The following KLHL8 variants were observed in gnomAD, a reference collection of about 807,000 sequenced individuals.
KLHL8 encodes the protein kelch like family member 8.
A neutral mutation model predicts 63.5 loss-of-function variants in KLHL8; 38 were observed. The observed-to-expected ratio is 0.60, with a 90% CI of 0.46 to 0.78. The LOEUF (loss-of-function observed/expected upper bound fraction) is 0.78, where lower values mean the gene tolerates loss of function less well. KLHL8 is among the 30% of genes least tolerant of loss of function. The pLI is 0.00. For synonymous variants in KLHL8, 224 were observed against 254.3 expected (o/e 0.88, Z 1.13); for missense variants, 566 against 752.4 (o/e 0.75, Z 2.90).
In KLHL8 at chr4:87,162,103, G is replaced by GC. The variant is rs1730198124; in HGVS notation, c.*1415dup. The GC allele has an allele frequency of 1.3e-5, 2 of 152,024 alleles. No individual in the cohort carries two copies. Among genetic ancestry groups the GC allele is most frequent in the African/African-American group, 4.8e-5 (2 of 41,358 alleles). The allele number at this position is 152,024 out of a possible 1,614,324, so 9.4% of individuals were successfully genotyped here. On this transcript the variant is annotated 3_prime_UTR_variant, in exon 10 of 10. Transcript: ENST00000273963. Reference sequence around the variant, plus strand: ...ATGGATCAACGAAGTGTTTTTCACTGCCCCAGCTTCCTTATGAACCAGATT... The same window carrying GC: ...ATGGATCAACGAAGTGTTTTTCACTGCCCCCAGCTTCCTTATGAACCAGATT...
intron 1 of KLHL8, among the ~76,000 whole-genome samples, chr4:87,238,003 T>C (rs1051329372): frequency 1.3e-5 from 2 of 152,182 alleles, no homozygotes; most frequent in South Asian, 4.1e-4. Flanking sequence ...TGGCACAATC[T>C]CAGCTCACTG....
chr4:87,167,302 A>G (rs1443622351), intron 8 of KLHL8: 1 of 461,110 alleles, frequency 2.2e-6, no homozygotes, highest in Admixed American at 2.6e-5. Flanking sequence ...GGGCTGCTTT[A>G]GTGTTCAAAG....
chr4:87,233,853 CTATTT>C (rs1227755476), intron 1 of KLHL8, among the ~76,000 whole-genome samples: 49 of 151,970 alleles, frequency 3.2e-4, no homozygotes, highest in Non-Finnish European at 4.4e-5. Context: ...CTTTGATTTT[CTATTT>C]TAAACAATAT....
intron 6 of KLHL8, among the ~76,000 whole-genome samples, chr4:87,171,216 A>C (rs968248690): frequency 6.6e-6 from 1 of 152,202 alleles, no homozygotes; most frequent in African/African-American, 2.4e-5. Flanking sequence ...ACACTGCACC[A>C]ATCAAAAGTT....
In KLHL8 at chr4:87,163,458, A is replaced by C; in HGVS notation, c.*61T>G. The C allele has an allele frequency of 2.5e-6, 4 of 1,570,262 alleles. No individual in the cohort carries two copies. The highest frequency in any genetic ancestry group is 3.5e-6 in the Non-Finnish European group (4 of 1,154,908). The stretch of plus-strand genomic sequence containing the variant: ...AAGTGTTGAAAGGTGGTCATATCAA[A>C]ATCTTGGTTTTCTTTTGTACCTATC... On this transcript the variant is annotated 3_prime_UTR_variant, in exon 10 of 10. Transcript: ENST00000273963.
chr4:87,219,513 G>A (rs1451680604), intron 1 of KLHL8: 1 of 152,084 alleles, frequency 6.6e-6, no homozygotes, highest in Non-Finnish European at 1.5e-5. Flanking sequence ...CAAGAAGAAA[G>A]TTATGCCATT....
At chr4:87,200,457 A>C (rs918132950) in intron 1 of KLHL8, among the ~76,000 whole-genome samples, 14 of 152,186 alleles carry the variant, frequency 9.2e-5, no homozygotes, top group Non-Finnish European at 1.9e-4. Flanking sequence ...AATTTGTATT[A>C]TTTTTATTGG....
intron 8 of KLHL8, chr4:87,167,175 T>C: frequency 1.9e-6 from 1 of 524,690 alleles, no homozygotes; most frequent in Non-Finnish European, 3.6e-6. Context: ...AAGGAAACAT[T>C]ACACTGTTTA....
chr4:87,160,108 GC>G lies in KLHL8; in HGVS notation c.*3410del, dbSNP rs1730103233. 6.6e-6 allele frequency: 1 copy of G among 152,100 alleles called. No individual in the cohort carries two copies. The highest frequency in any genetic ancestry group is 2.4e-5 in the African/African-American group (1 of 41,440). 9.4% of individuals were successfully genotyped at this position (152,100 alleles called of 1,614,324 possible). A position where few individuals can be genotyped will look rare whatever the true frequency, so the allele number is the denominator to read the frequency against. On this transcript the variant is annotated 3_prime_UTR_variant, in exon 10 of 10. Coordinates refer to ENST00000273963, the MANE Select transcript of KLHL8 (RefSeq NM_020803.5). The stretch of plus-strand genomic sequence containing the variant: ...ACAGACCTTTTAGAGAGAAGTTTGT[GC>G]TAATAGAAATATGCAATGTATTTTA...
chr4:87,225,592 A>G (rs933077692), upstream of KLHL8, among the ~76,000 whole-genome samples: 9 of 152,148 alleles, frequency 5.9e-5, no homozygotes, highest in African/African-American at 2.2e-4. Context: ...TATAAGACAG[A>G]ATTTGAGTTA....
chr4:87,198,525 C>A (rs1336328316), intron 1 of KLHL8, among the ~76,000 whole-genome samples: 1 of 152,126 alleles, frequency 6.6e-6, no homozygotes, highest in Admixed American at 6.5e-5. Context: ...CATGTAACAA[C>A]CGGATGAATC....
chr4:87,229,525 G>A (rs1247781341), intron 1 of KLHL8, among the ~76,000 whole-genome samples: 3 of 150,286 alleles, frequency 2.0e-5, no homozygotes, highest in African/African-American at 7.4e-5. Flanking sequence ...TCTGCCTCCC[G>A]GGTTCAAGCC....
At chr4:87,237,523 T>C (rs992151354) in intron 1 of KLHL8, among the ~76,000 whole-genome samples, 1 of 152,150 alleles carries the variant, frequency 6.6e-6, no homozygotes, top group Non-Finnish European at 1.5e-5. Flanking sequence ...ACTGATGCAG[T>C]CATTGATTAA....
chr4:87,197,087 A>T (rs1234205659), intron 1 of KLHL8, among the ~76,000 whole-genome samples: 1 of 152,222 alleles, frequency 6.6e-6, no homozygotes, highest in East Asian at 1.9e-4. Context: ...ATGTAAGGTT[A>T]TAGATTACAG....
At chr4:87,223,597 G>A (rs1732922607), upstream of KLHL8, among the ~76,000 whole-genome samples, 1 of 152,128 alleles carries the variant, frequency 6.6e-6, no homozygotes, top group South Asian at 2.1e-4. Flanking sequence ...GGGGTGGCCA[G>A]GGGTTTGGGG....
intron 1 of KLHL8, among the ~76,000 whole-genome samples, chr4:87,229,426 T>C (rs1307500584): frequency 2.3e-5 from 2 of 86,018 alleles, no homozygotes; most frequent in South Asian, 7.2e-4. Flanking sequence ...TTCCTTTTTT[T>C]TTTTTTTTTG....
chr4:87,164,878 G>A (rs1052087723), intron 8 of KLHL8, among the ~76,000 whole-genome samples: 1 of 152,104 alleles, frequency 6.6e-6, no homozygotes, highest in African/African-American at 2.4e-5. Flanking sequence ...GCCGGGCGCG[G>A]TGGCTCACGC....
chr4:87,214,452 AT>A (rs1328162949), intron 1 of KLHL8, among the ~76,000 whole-genome samples: 5 of 101,852 alleles, frequency 4.9e-5, no homozygotes, highest in African/African-American at 1.6e-4. Context: ...ATATATATAT[AT>A]ATATATAATT....
Position 87,163,928 on chromosome 4 carries a change from A to C in KLHL8, c.1689T>G (p.Asn563Lys). ...MGKIFAVGGH[N>K]GNAYLNTVEA... ...CTACTGTATTTAAGTATGCATTGCC[A>C]TTATGACCACCAACTGCAAAGATTT... Residue 563 changes from asparagine to lysine, a missense_variant, in exon 9 of 10, where the codon AAT becomes AAG. Physicochemically the swap from Asn to Lys is moderately conservative, Grantham distance 94. Transcript: ENST00000273963. 2 of 1,614,194 alleles carry C rather than the reference A, an allele frequency of 1.2e-6. No individual in the cohort carries two copies. Among genetic ancestry groups the C allele is most frequent in the Non-Finnish European group, 1.7e-6 (2 of 1,180,018 alleles).
Sources: allele counts gnomAD v4.1 joint callset (sites outside exome capture counted in the v4.1 genomes callset), GRCh38; gene constraint gnomAD v4.1.1; transcripts MANE v1.5; gene names NCBI Gene and HGNC (gene_info 2026-07-23, HGNC 2026-07-21).